Variants in TFAM observed in about 807,000 individuals in gnomAD.
TFAM encodes transcription factor A, mitochondrial, also known as mitochondrial transcription factor 1.
In TFAM, 13 loss-of-function variants were observed where a neutral mutation model predicts 30.6. The observed-to-expected ratio is 0.42, with a 90% confidence interval of 0.28 to 0.67. The LOEUF is 0.67. Ranked by LOEUF, TFAM falls within the 30% of genes least tolerant of loss-of-function variation. The pLI, the probability that TFAM is intolerant of heterozygous loss-of-function variation, is 0.21. For synonymous variants in TFAM, 106 were observed against 94.8 expected, an observed-to-expected ratio of 1.12 and a Z score of -0.69; for missense variants, 231 against 293.7, an observed-to-expected ratio of 0.79 and a Z score of 1.56.
intron 3 of TFAM, 125 bp downstream of exon 3, chr10:58,388,385 TTA>T (rs1589011901): frequency 3.5e-6 from 3 of 855,180 alleles, no homozygotes; most frequent in African/African-American, 1.7e-5. Context: ...CAAAGAAACT[TTA>T]TGTCTTCTCA....
At position 58,398,610 on chromosome 10, in the gene TFAM, T is replaced by C. The variant is rs1171236741; in HGVS notation, c.*3536T>C. 1 of 152,160 alleles carries C rather than the reference T, an allele frequency of 6.6e-6. No homozygotes were observed. The highest frequency in any genetic ancestry group is 1.5e-5 in the Non-Finnish European group (1 of 68,028). The allele number at this position is 152,160 out of a possible 1,614,324, so 9.4% of individuals were successfully genotyped here. On this transcript the variant is annotated 3_prime_UTR_variant, in exon 7 of 7. Coordinates refer to ENST00000487519, the MANE Select transcript of TFAM (RefSeq NM_003201.3). Reference sequence around the variant, plus strand: ...GAATGTGTATATTTAGATTTCTGAATTGAAAAAAAATAGCGTACAATAAGT... The same window carrying C: ...GAATGTGTATATTTAGATTTCTGAACTGAAAAAAAATAGCGTACAATAAGT...
In TFAM at chr10:58,394,990, A is replaced by AGAACAAATGATTGAAGTTGGACGAAAG; in HGVS notation, c.660_686dup (p.Glu220_Lys228dup). On this transcript the variant is annotated inframe_insertion, in exon 7 of 7. Transcript: ENST00000487519. The stretch of plus-strand genomic sequence containing the variant: ...ATCATAATGAAATGAAGTCTTGGGA[A>AGAACAAATGATTGAAGTTGGACGAAAG]GAACAAATGATTGAAGTTGGACGAA... 1 of 1,613,866 alleles carries AGAACAAATGATTGAAGTTGGACGAAAG rather than the reference A, an allele frequency of 6.2e-7. No homozygotes were observed. Among genetic ancestry groups the AGAACAAATGATTGAAGTTGGACGAAAG allele is most frequent in the East Asian group, 2.2e-5 (1 of 44,810 alleles).
Position 58,397,723 on chromosome 10 carries a change from CA to C in TFAM, c.*2651del, listed in dbSNP as rs1259239715. 7.9e-5 allele frequency: 12 copies of C among 151,086 alleles called. No homozygotes were observed. Among genetic ancestry groups the C allele is most frequent in the African/African-American group, 2.7e-4 (11 of 40,824 alleles). 9.4% of individuals were successfully genotyped at this position (151,086 alleles called of 1,614,324 possible). Reference sequence around the variant, plus strand: ...TTATAAAGAATAAGAACATCATAACCAATGACCACTCATATAAAGTCTTATT... The same window carrying C: ...TTATAAAGAATAAGAACATCATAACCATGACCACTCATATAAAGTCTTATT... On this transcript the variant is annotated 3_prime_UTR_variant, in exon 7 of 7. Transcript: ENST00000487519.
In TFAM at chr10:58,396,328, A is replaced by G. The variant is rs1840681479; in HGVS notation, c.*1254A>G. 6.6e-6 allele frequency: 1 copy of G among 152,202 alleles called. No individual in the cohort carries two copies. Among genetic ancestry groups the G allele is most frequent in the South Asian group, 2.1e-4 (1 of 4,838 alleles). The allele number at this position is 152,202 out of a possible 1,614,324, so 9.4% of individuals were successfully genotyped here. ...ATTGAAGTGTTGGGATAGTTTTTTC[A>G]AATGTTTTCAGATGTTCTTGTTTTA... On this transcript the variant is annotated 3_prime_UTR_variant, in exon 7 of 7. Coordinates refer to ENST00000487519, the MANE Select transcript of TFAM (RefSeq NM_003201.3).
At position 58,394,525 on chromosome 10, in the gene TFAM, A is replaced by G. The variant is rs45510995; in HGVS notation, c.594+111A>G. 3.1e-3 allele frequency: 2,904 copies of G among 948,296 alleles called. 51 individuals carry two copies. The African/African-American group carries it at 0.042, about 14-fold the overall frequency. The allele number at this position is 948,296 out of a possible 1,614,324, so 58.7% of individuals were successfully genotyped here. A position where few individuals can be genotyped will look rare whatever the true frequency, so the allele number is the denominator to read the frequency against. On this transcript the variant is annotated intron_variant, in intron 6 of 6. Transcript: ENST00000487519. ...ACAACCTTGTATTACTAATAATACA[A>G]GTATTCTAAAATTATTTTCATATTC...
At position 58,388,365 on chromosome 10, in the gene TFAM, C is replaced by A. The variant is rs929210217; in HGVS notation, c.291+105C>A. 67 of 965,004 alleles carry A rather than the reference C, an allele frequency of 6.9e-5. 3 individuals carry two copies. The highest frequency in any genetic ancestry group is 6.4e-4 in the South Asian group (47 of 72,990). The allele number at this position is 965,004 out of a possible 1,614,324, so 59.8% of individuals were successfully genotyped here. A position where few individuals can be genotyped will look rare whatever the true frequency, so the allele number is the denominator to read the frequency against. ...TGGATCAGACTTTTTAAAAAATAATCTGTTATCTACAAAGAAACTTTATGT... is the reference window on the plus strand; with the variant it reads ...TGGATCAGACTTTTTAAAAAATAATATGTTATCTACAAAGAAACTTTATGT... On this transcript the variant is annotated intron_variant, in intron 3 of 6. Coordinates refer to ENST00000487519, the MANE Select transcript of TFAM (RefSeq NM_003201.3).
rs1247582808 is a variant in TFAM at position 58,385,566 on chromosome 10, A to G, written c.19A>G (p.Met7Val). The change falls in exon 1 of 7, where the codon ATG becomes GTG. Residue 7 changes from methionine (M) to valine (V), a missense_variant. Met to Val is a conservative substitution (Grantham distance 21, BLOSUM62 1). Transcript: ENST00000487519. Reference protein sequence around the residue: MAFLRSMWGVLSALGRS... With the variant: MAFLRSVWGVLSALGRS... ...CGGAGCGATGGCGTTTCTCCGAAGC[A>G]TGTGGGGCGTGCTGAGTGCCCTGGG... The G allele has an allele frequency of 3.8e-6, 6 of 1,568,970 alleles. No individual in the cohort carries two copies. The highest frequency in any genetic ancestry group is 5.2e-6 in the Non-Finnish European group (6 of 1,156,416).
Position 58,388,688 on chromosome 10 carries a change from A to T in TFAM, c.310A>T (p.Arg104Trp). 6.2e-7 allele frequency: 1 copy of T among 1,613,768 alleles called. No homozygotes were observed. Among genetic ancestry groups the T allele is most frequent in the Non-Finnish European group, 8.5e-7 (1 of 1,179,882 alleles). Residue 104 changes from arginine to tryptophan, a missense_variant, in exon 4 of 7, where the codon AGG becomes TGG. Transcript: ENST00000487519. ...SKKKIYQDAY[R>W]AEWQVYKEEI... ...TTTATAGATATATCAAGATGCTTAT[A>T]GGGCGGAGTGGCAGGTATATAAAGA...
Position 58,395,901 on chromosome 10 carries a change from A to G in TFAM, c.*827A>G, listed in dbSNP as rs1840673480. ...TGTGTTTTAAAATGAGAAATCTAAAAAACGAAAAGTCTCCAAAGTCTCTGG... is the reference window on the plus strand; with the variant it reads ...TGTGTTTTAAAATGAGAAATCTAAAGAACGAAAAGTCTCCAAAGTCTCTGG... On this transcript the variant is annotated 3_prime_UTR_variant, in exon 7 of 7. Coordinates refer to ENST00000487519, the MANE Select transcript of TFAM (RefSeq NM_003201.3). 1 of 217,884 alleles carries G rather than the reference A, an allele frequency of 4.6e-6. No individual in the cohort carries two copies. The highest frequency in any genetic ancestry group is 2.2e-5 in the African/African-American group (1 of 44,658). 13.5% of individuals were successfully genotyped at this position (217,884 alleles called of 1,614,324 possible). A position where few individuals can be genotyped will look rare whatever the true frequency, so the allele number is the denominator to read the frequency against.
chr10:58,397,470 T>C lies in TFAM; in HGVS notation c.*2396T>C, dbSNP rs1032943692. The C allele has an allele frequency of 1.7e-4, 26 of 152,300 alleles. 1 individual carries two copies. Among genetic ancestry groups the C allele is most frequent in the African/African-American group, 5.8e-4 (24 of 41,574 alleles). The allele number at this position is 152,300 out of a possible 1,614,324, so 9.4% of individuals were successfully genotyped here. ...CAGTGAAAAAAGAGCAAAACTATTT[T>C]ATGGTAATTTTATGGTAGTATCAGC... is the stretch of plus-strand genomic sequence containing the variant. On this transcript the variant is annotated 3_prime_UTR_variant, in exon 7 of 7. Transcript: ENST00000487519.
chr10:58,385,733 C>T, intron 1 of TFAM, 85 bp downstream of exon 1: 1 of 1,073,476 alleles, frequency 9.3e-7, no homozygotes. Flanking sequence ...TCACTTTCTG[C>T]CCCTCCTAGG....
chr10:58,385,496 C>T lies in TFAM; in HGVS notation c.-52C>T, dbSNP rs1840465440. ...TTGTGATTGCTGGAGTTGTGTATTG[C>T]CAGGAGGCTCTCCGAGATTGGGGTC... is the stretch of plus-strand genomic sequence containing the variant. On this transcript the variant is annotated 5_prime_UTR_variant, in exon 1 of 7. Coordinates refer to ENST00000487519, the MANE Select transcript of TFAM (RefSeq NM_003201.3). 4 of 1,409,916 alleles carry T rather than the reference C, an allele frequency of 2.8e-6. No homozygotes were observed. The Admixed American group carries it at 7.9e-5, about 28-fold the overall frequency. The allele number at this position is 1,409,916 out of a possible 1,614,324, so 87.3% of individuals were successfully genotyped here.
chr10:58,396,227 CTG>C lies in TFAM; in HGVS notation c.*1155_*1156del, dbSNP rs1840679463. 1.4e-5 allele frequency: 2 copies of C among 147,754 alleles called. No homozygotes were observed. Among genetic ancestry groups the C allele is most frequent in the Non-Finnish European group, 1.5e-5 (1 of 64,968 alleles). The allele number at this position is 147,754 out of a possible 1,614,324, so 9.2% of individuals were successfully genotyped here. A position where few individuals can be genotyped will look rare whatever the true frequency, so the allele number is the denominator to read the frequency against. On this transcript the variant is annotated 3_prime_UTR_variant, in exon 7 of 7. Coordinates refer to ENST00000487519, the MANE Select transcript of TFAM (RefSeq NM_003201.3). Reference sequence around the variant, plus strand: ...TATAGCCCACAAAGCCTGATATTTACTGTCTGTCTGTTTATGGAAAAAATTTA... The same window carrying C: ...TATAGCCCACAAAGCCTGATATTTACTCTGTCTGTTTATGGAAAAAATTTA...
chr10:58,387,768 A>G (rs1840517848), intron 2 of TFAM, among the ~76,000 whole-genome samples: 1 of 152,020 alleles, frequency 6.6e-6, no homozygotes, highest in Non-Finnish European at 1.5e-5. Context: ...CGTCTCTACA[A>G]AAAATACTAA....
rs1840662934 is a variant in TFAM, at chr10:58,395,344, T to TA, written c.*273dup. The stretch of plus-strand genomic sequence containing the variant: ...TGAATCATTTTACCTTTGACAAAGG[T>TA]AAATCAGACTATGAAGTTTTTTTTA... On this transcript the variant is annotated 3_prime_UTR_variant, in exon 7 of 7. Transcript: ENST00000487519. The TA allele has an allele frequency of 2.4e-6, 1 of 424,678 alleles. No individual in the cohort carries two copies. The highest frequency in any genetic ancestry group is 4.6e-5 in the East Asian group (1 of 21,574). The allele number at this position is 424,678 out of a possible 1,614,324, so 26.3% of individuals were successfully genotyped here.
chr10:58,390,962 A>C (rs1840581105), intron 5 of TFAM, 102 bp downstream of exon 5: 1 of 1,048,304 alleles, frequency 9.5e-7, no homozygotes, highest in Admixed American at 2.1e-5. Flanking sequence ...GAATATCCAG[A>C]CAGTAAACTC....
Position 58,388,687 on chromosome 10 carries a change from T to C in TFAM, c.309T>C (p.Tyr103=). The change falls in exon 4 of 7, where the codon TAT becomes TAC. Residue 103 remains tyrosine (Y), a synonymous_variant. Coordinates refer to ENST00000487519, the MANE Select transcript of TFAM (RefSeq NM_003201.3). ...DSKKKIYQDA[Y]RAEWQVYKEE... ...ATTTATAGATATATCAAGATGCTTA[T>C]AGGGCGGAGTGGCAGGTATATAAAG... is the stretch of plus-strand genomic sequence containing the variant. 1 of 1,613,742 alleles carries C rather than the reference T, an allele frequency of 6.2e-7. No homozygotes were observed. The highest frequency in any genetic ancestry group is 8.5e-7 in the Non-Finnish European group (1 of 1,179,892).
intron 5 of TFAM, among the ~76,000 whole-genome samples, chr10:58,393,894 C>CAAAAAA (rs1212905436): frequency 8.6e-6 from 1 of 115,650 alleles, no homozygotes; most frequent in Admixed American, 8.8e-5. Flanking sequence ...GACCTTGTCT[C>CAAAAAA]AAAAAAAAAA....
In TFAM at chr10:58,389,930, A is replaced by C. The variant is rs1247621670; in HGVS notation, c.442-835A>C. Among the ~76,000 whole-genome samples the C allele has an allele frequency of 2.6e-5, 4 of 152,218 alleles. No individual in the cohort carries two copies. In the East Asian group the frequency reaches 7.7e-4, roughly 29 times the overall value. ...GAAGTGTGAGGACTAGGAAGTTACA[A>C]GTAAAACCCTCAGGAGAGAAATCCC... is the stretch of plus-strand genomic sequence containing the variant. On this transcript the variant is annotated intron_variant, in intron 4 of 6. Coordinates refer to ENST00000487519, the MANE Select transcript of TFAM (RefSeq NM_003201.3).
Sources: allele counts gnomAD v4.1 joint callset (sites outside exome capture counted in the v4.1 genomes callset), GRCh38; gene constraint gnomAD v4.1.1; transcripts MANE v1.5; gene names NCBI Gene and HGNC (gene_info 2026-07-23, HGNC 2026-07-21).